The following CHIC2 variants were observed in gnomAD, a reference collection of about 807,000 sequenced individuals.
The protein encoded by CHIC2 is cysteine-rich hydrophobic domain-containing protein 2.
Under a neutral mutation model 25.9 loss-of-function variants are expected in CHIC2, and 14 were observed. The observed-to-expected ratio is 0.54, with a 90% CI of 0.36 to 0.85. CHIC2 has a LOEUF of 0.85. CHIC2 is among the 40% of genes least tolerant of loss of function. CHIC2 has a pLI of 0.01. For missense variants in CHIC2, 146 were observed against 202.0 expected (o/e 0.72, Z 1.68); for synonymous variants, 70 against 72.0 (o/e 0.97, Z 0.14).
At chr4:54,086,542 C>T in the CHIC2 span, among the ~76,000 whole-genome samples, 3 of 151,800 alleles carry the variant, frequency 2.0e-5, no homozygotes, top group African/African-American at 7.3e-5. Flanking sequence ...GAGATTCAGA[C>T]GATAAACATA....
At chr4:54,059,580 A>AG (rs1717271813) in intron 1 of CHIC2, 1 of 151,320 alleles carries the variant, frequency 6.6e-6, no homozygotes, top group African/African-American at 2.4e-5. Context: ...AAAAAAAAAA[A>AG]GTTATAAAAA....
the CHIC2 span, chr4:54,087,210 C>T: frequency 6.1e-6 from 4 of 658,694 alleles, no homozygotes; most frequent in East Asian, 2.7e-5. Flanking sequence ...GCACCTCAGA[C>T]CCCAGGGAAG....
At chr4:54,023,780 A>G (rs893794102) in intron 3 of CHIC2, among the ~76,000 whole-genome samples, 2 of 152,212 alleles carry the variant, frequency 1.3e-5, no homozygotes, top group Admixed American at 6.5e-5. Context: ...TCACTCTTGC[A>G]AAAGGACTAC....
intron 3 of CHIC2, among the ~76,000 whole-genome samples, chr4:54,022,504 G>T (rs916521206): frequency 6.6e-5 from 10 of 152,042 alleles, no homozygotes; most frequent in African/African-American, 2.4e-4. Flanking sequence ...ATGCCAGCTT[G>T]GACAACATTC....
chr4:54,042,824 C>G (rs773255323), intron 3 of CHIC2, among the ~76,000 whole-genome samples: 2 of 152,086 alleles, frequency 1.3e-5, no homozygotes, highest in Non-Finnish European at 2.9e-5. Flanking sequence ...TATCATAAGT[C>G]ATTCTATTAC....
intron 3 of CHIC2, among the ~76,000 whole-genome samples, chr4:54,037,123 G>T (rs1309208277): frequency 6.6e-6 from 1 of 152,150 alleles, no homozygotes; most frequent in Admixed American, 6.5e-5. Flanking sequence ...CCAGCACTTT[G>T]GGAGGCTGAG....
At chr4:54,032,333 C>T in intron 3 of CHIC2, among the ~76,000 whole-genome samples, 1 of 139,392 alleles carries the variant, frequency 7.2e-6, no homozygotes, top group East Asian at 2.5e-4. Flanking sequence ...CTGGACTGTA[C>T]TGCTGCCATC....
chr4:54,082,750 A>G, the CHIC2 span, among the ~76,000 whole-genome samples: 2 of 152,208 alleles, frequency 1.3e-5, no homozygotes, highest in African/African-American at 4.8e-5. Flanking sequence ...TTATCCCTAG[A>G]TAGACTCACC....
chr4:54,030,115 T>C (rs1716177814), intron 3 of CHIC2, among the ~76,000 whole-genome samples: 1 of 150,490 alleles, frequency 6.6e-6, no homozygotes, highest in Non-Finnish European at 1.5e-5. Context: ...CAAAATACTT[T>C]ACATGAGAGA....
At chr4:54,037,872 T>C (rs755863758) in intron 3 of CHIC2, among the ~76,000 whole-genome samples, 2 of 151,936 alleles carry the variant, frequency 1.3e-5, no homozygotes, top group Non-Finnish European at 2.9e-5. Context: ...TATATAAAAA[T>C]GTGTAGGATA....
chr4:54,069,941 A>T, the CHIC2 span, among the ~76,000 whole-genome samples: 8 of 152,190 alleles, frequency 5.3e-5, no homozygotes, highest in African/African-American at 1.9e-4. Context: ...ACTGGGGAGG[A>T]CTGACAGATA....
At chr4:54,091,558 C>G in the CHIC2 span, among the ~76,000 whole-genome samples, 9 of 152,324 alleles carry the variant, frequency 5.9e-5, no homozygotes, top group African/African-American at 2.2e-4. Context: ...GCTCCGCGCA[C>G]AGGGATCAAA....
chr4:54,067,922 C>A (rs1335238866), upstream of CHIC2, among the ~76,000 whole-genome samples: 1 of 149,098 alleles, frequency 6.7e-6, no homozygotes, highest in Admixed American at 6.7e-5. Context: ...AATTTTGTCC[C>A]CCCCCCCAAA....
chr4:54,016,289 TATA>T (rs146826917), intron 3 of CHIC2, among the ~76,000 whole-genome samples: 4,008 of 152,272 alleles, frequency 0.026, 158 homozygotes, highest in African/African-American at 0.088. Context: ...AAACCCATGC[TATA>T]ATAAGAATAG....
chr4:54,083,704 C>T, the CHIC2 span, among the ~76,000 whole-genome samples: 1 of 152,210 alleles, frequency 6.6e-6, no homozygotes, highest in Non-Finnish European at 1.5e-5. Flanking sequence ...TGACACTTAT[C>T]ATTTCAAGTC....
intron 1 of CHIC2, among the ~76,000 whole-genome samples, chr4:54,062,813 A>G (rs946694708): frequency 3.3e-5 from 5 of 152,212 alleles, no homozygotes; most frequent in Non-Finnish European, 7.3e-5. Flanking sequence ...TCAAAATAAA[A>G]TCAAATGGCA....
chr4:54,021,578 C>G (rs904651396), intron 3 of CHIC2, among the ~76,000 whole-genome samples: 1 of 152,168 alleles, frequency 6.6e-6, no homozygotes. Flanking sequence ...CTAGCCCTCC[C>G]CCACCTGCCC....
chr4:54,090,825 G>A, the CHIC2 span, among the ~76,000 whole-genome samples: 1 of 152,056 alleles, frequency 6.6e-6, no homozygotes, highest in Non-Finnish European at 1.5e-5. Context: ...GATTTGCACT[G>A]ATTTCAATGC....
rs2110055582 is a variant in CHIC2 at position 54,010,011 on chromosome 4, GT to G, written c.*83del. 1 of 844,400 alleles carries G rather than the reference GT, an allele frequency of 1.2e-6. No homozygotes were observed. Among genetic ancestry groups the G allele is most frequent in the African/African-American group, 1.8e-5 (1 of 56,694 alleles). The allele number at this position is 844,400 out of a possible 1,614,324, so 52.3% of individuals were successfully genotyped here. A position where few individuals can be genotyped will look rare whatever the true frequency, so the allele number is the denominator to read the frequency against. ...CACCACACGATTCTGTAGAACCAAT[GT>G]TATGTCACCACCAGGAGAGCACCAA... On this transcript the variant is annotated 3_prime_UTR_variant, in exon 6 of 6. Transcript: ENST00000263921.
Sources: gnomAD v4.1 joint callset for allele counts (sites outside exome capture counted in the v4.1 genomes callset) on GRCh38, gnomAD v4.1.1 for gene constraint, MANE v1.5 for transcripts, NCBI Gene and HGNC (gene_info 2026-07-23, HGNC 2026-07-21) for gene names.